KALRN: variants seen among roughly 807,000 people sequenced by gnomAD.
KALRN encodes kalirin.
In KALRN, 70 loss-of-function variants were observed where a neutral mutation model predicts 353.7. The observed-to-expected ratio is 0.20, with a 90% CI of 0.16 to 0.24. The LOEUF (loss-of-function observed/expected upper bound fraction) is 0.24, where lower values mean the gene tolerates loss of function less well. Ranked by LOEUF, KALRN falls within the 10% of genes least tolerant of loss-of-function variation. The pLI is 1.00. For synonymous variants in KALRN, 1,391 were observed against 1,434.8 expected (o/e 0.97, Z 0.69); for missense variants, 2,791 against 3,756.7 (o/e 0.74, Z 6.72).
intron 6 of KALRN, among the ~76,000 whole-genome samples, chr3:124,305,975 A>G (rs1210319573): frequency 6.6e-6 from 1 of 152,250 alleles, no homozygotes; most frequent in African/African-American, 2.4e-5. Context: ...TAAAATTGCT[A>G]TTATAGATAT....
chr3:124,233,496 T>C (rs2079412305), intron 2 of KALRN, among the ~76,000 whole-genome samples: 1 of 152,172 alleles, frequency 6.6e-6, no homozygotes, highest in Non-Finnish European at 1.5e-5. Context: ...GCAGTGGTGG[T>C]GGTGCTGAAA....
intron 3 of KALRN, among the ~76,000 whole-genome samples, chr3:124,250,546 G>A (rs1354368604): frequency 6.6e-6 from 1 of 152,224 alleles, no homozygotes; most frequent in Non-Finnish European, 1.5e-5. Flanking sequence ...GTCTTACAGT[G>A]GGGTGGCTGA....
intron 45 of KALRN, among the ~76,000 whole-genome samples, chr3:124,662,966 C>CT (rs917231765): frequency 8.1e-5 from 12 of 148,648 alleles, no homozygotes; most frequent in African/African-American, 2.2e-4. Flanking sequence ...GCCAAGTTTC[C>CT]TTTTTTTTTT....
At chr3:124,661,188 A>G (rs1387477807) in intron 44 of KALRN, among the ~76,000 whole-genome samples, 1 of 152,150 alleles carries the variant, frequency 6.6e-6, no homozygotes, top group East Asian at 1.9e-4. Context: ...GGGGTGCACT[A>G]GAGCTTAGCC....
chr3:124,576,439 G>C (rs781409383), intron 34 of KALRN, among the ~76,000 whole-genome samples: 11 of 152,072 alleles, frequency 7.2e-5, no homozygotes, highest in Non-Finnish European at 1.2e-4. Context: ...CATGTAGAAC[G>C]GTAAAGGAAA....
chr3:124,264,825 G>C (rs917881364), intron 4 of KALRN, 135 bp downstream of exon 4: 6 of 756,486 alleles, frequency 7.9e-6, no homozygotes, highest in Non-Finnish European at 1.3e-5. Context: ...TTCCTTGGCC[G>C]CCATGGCCTT....
At chr3:124,566,991 A>G (rs896330655) in intron 34 of KALRN, among the ~76,000 whole-genome samples, 1 of 152,216 alleles carries the variant, frequency 6.6e-6, no homozygotes, top group Non-Finnish European at 1.5e-5. Context: ...GTGAGTGCTC[A>G]GGCCATGACT....
intron 1 of KALRN, among the ~76,000 whole-genome samples, chr3:124,117,221 G>T (rs377170571): frequency 2.6e-5 from 4 of 152,166 alleles, no homozygotes; most frequent in Non-Finnish European, 4.4e-5. Context: ...GGGAGAGAAG[G>T]GGGGACTGGC....
At chr3:124,414,509 C>G (rs145427701) in intron 14 of KALRN, among the ~76,000 whole-genome samples, 1 of 152,312 alleles carries the variant, frequency 6.6e-6, no homozygotes, top group East Asian at 1.9e-4. Context: ...TTTATAACTT[C>G]TCAGAAAAAC....
rs561283572 is a variant in KALRN at position 124,464,155 on chromosome 3, G to A, written c.4031+1522G>A. Among the ~76,000 whole-genome samples, 4 of 152,210 alleles carry A rather than the reference G, an allele frequency of 2.6e-5. No homozygotes were observed. The South Asian group carries it at 6.2e-4, about 24-fold the overall frequency. On this transcript the variant is annotated intron_variant, in intron 25 of 59. Coordinates refer to ENST00000682506, the MANE Select transcript of KALRN (RefSeq NM_001388419.1). Reference sequence around the variant, plus strand: ...CCCTCAGGATATCTGAGAAGACATCGGACTGGCAAACGGTAAGTCGTGTTA... The same window carrying A: ...CCCTCAGGATATCTGAGAAGACATCAGACTGGCAAACGGTAAGTCGTGTTA...
At chr3:124,599,500 C>T (rs2076591416) in intron 34 of KALRN, among the ~76,000 whole-genome samples, 1 of 152,172 alleles carries the variant, frequency 6.6e-6, no homozygotes. Context: ...ATCTGTCTCT[C>T]ATTTCTGTTC....
intron 1 of KALRN, among the ~76,000 whole-genome samples, chr3:124,149,113 G>A (rs2067745687): frequency 1.3e-5 from 2 of 152,212 alleles, no homozygotes; most frequent in Non-Finnish European, 2.9e-5. Context: ...GGGACTGAAA[G>A]CCAGGTCTGG....
At chr3:124,651,094 A>C (rs557148306) in intron 38 of KALRN, among the ~76,000 whole-genome samples, 156 bp downstream of exon 38, 2 of 152,366 alleles carry the variant, frequency 1.3e-5, no homozygotes, top group Non-Finnish European at 2.9e-5. Context: ...ACTGATAAAC[A>C]TTGAGCCACT....
chr3:124,664,414 C>CTTT (rs747877590), intron 45 of KALRN, among the ~76,000 whole-genome samples: 2 of 137,602 alleles, frequency 1.5e-5, no homozygotes, highest in Non-Finnish European at 3.2e-5. Context: ...CAGAATCAAG[C>CTTT]TTTTTTTTTT....
intron 1 of KALRN, among the ~76,000 whole-genome samples, chr3:124,119,488 A>G (rs550938169): frequency 2.6e-5 from 4 of 152,350 alleles, no homozygotes; most frequent in African/African-American, 9.6e-5. Context: ...TCAATGAAAT[A>G]TTTATTGAGG....
intron 1 of KALRN, among the ~76,000 whole-genome samples, chr3:124,138,746 T>G (rs2066253524): frequency 1.3e-5 from 2 of 152,206 alleles, no homozygotes; most frequent in African/African-American, 4.8e-5. Context: ...AGTATTCCCC[T>G]GGACCACTGA....
At chr3:124,362,025 CT>C (rs2084104469) in intron 10 of KALRN, among the ~76,000 whole-genome samples, 2 of 152,124 alleles carry the variant, frequency 1.3e-5, no homozygotes, top group African/African-American at 4.8e-5. Flanking sequence ...GAGGCAAGTA[CT>C]TCCTGGCCGT....
chr3:124,163,560 A>G (rs539844912), intron 1 of KALRN: 5 of 982,528 alleles, frequency 5.1e-6, no homozygotes, highest in Non-Finnish European at 6.0e-6. Flanking sequence ...TGTCAGTGAC[A>G]TGAAAATACA....
rs116041851 is a variant in KALRN at position 124,049,499 on chromosome 3, G to A, written c.73+15686G>A. Among the ~76,000 whole-genome samples the A allele has an allele frequency of 5.9e-3, 894 of 152,234 alleles. 11 individuals are homozygous for A. Among genetic ancestry groups the A allele is most frequent in the African/African-American group, 0.02 (839 of 41,546 alleles). ...GAGATGATAGAAAGAAAATGCTTTG[G>A]AAAAACAAAATGCTGACTAAATGAA... On this transcript the variant is annotated intron_variant, in intron 1 of 59. Coordinates refer to ENST00000682506, the MANE Select transcript of KALRN (RefSeq NM_001388419.1).
Sources: allele counts gnomAD v4.1 joint callset (sites outside exome capture counted in the v4.1 genomes callset), GRCh38; gene constraint gnomAD v4.1.1; transcripts MANE v1.5; gene names NCBI Gene and HGNC (gene_info 2026-07-23, HGNC 2026-07-21).